Variants in NAALADL2 observed in about 807,000 individuals in gnomAD.
NAALADL2 encodes the protein N-acetylated alpha-linked acidic dipeptidase like 2.
A neutral mutation model predicts 87.2 loss-of-function variants in NAALADL2; 76 were observed. The observed-to-expected ratio is 0.87, with a 90% CI of 0.72 to 1.05. NAALADL2 has a LOEUF of 1.05. Among genes scored for constraint, NAALADL2 ranks in the 50% least tolerant of loss-of-function variants. NAALADL2 has a pLI of 0.00. For missense variants in NAALADL2, 1,089 were observed against 945.8 expected (o/e 1.15, Z -1.99); for synonymous variants, 354 against 331.0 (o/e 1.07, Z -0.75).
intron 1 of NAALADL2, among the ~76,000 whole-genome samples, chr3:174,548,191 A>T (rs1218822300): frequency 1.3e-5 from 2 of 152,220 alleles, no homozygotes; most frequent in African/African-American, 2.4e-5. Context: ...AAATTCATAC[A>T]GTCGGAGAAC....
At chr3:175,232,380 A>C (rs1057076365) in intron 2 of NAALADL2, among the ~76,000 whole-genome samples, 1 of 152,112 alleles carries the variant, frequency 6.6e-6, no homozygotes, top group Admixed American at 6.6e-5. Context: ...CTGTGGCCTC[A>C]GACTTACCTT....
At chr3:175,653,127 G>A (rs1731009366) in intron 11 of NAALADL2, among the ~76,000 whole-genome samples, 1 of 152,076 alleles carries the variant, frequency 6.6e-6, no homozygotes. Context: ...TCTCCACACT[G>A]AGTAGGCTAA....
chr3:174,520,524 CTG>C (rs1720208015), intron 1 of NAALADL2, among the ~76,000 whole-genome samples: 2 of 152,076 alleles, frequency 1.3e-5, no homozygotes, highest in Non-Finnish European at 2.9e-5. Context: ...AAAAATGAAA[CTG>C]AACCCGTATC....
intron 1 of NAALADL2, among the ~76,000 whole-genome samples, chr3:174,888,141 T>G (rs567411733): frequency 1.3e-5 from 2 of 152,256 alleles, no homozygotes; most frequent in Admixed American, 6.5e-5. Context: ...CAGAGAAAAT[T>G]GCAGCAAGAG....
At chr3:175,755,090 T>C (rs1747085580) in intron 12 of NAALADL2, 130 bp from the exon 13 acceptor site, 3 of 686,232 alleles carry the variant, frequency 4.4e-6, no homozygotes, top group Non-Finnish European at 7.1e-6. Flanking sequence ...GAGAGAGAAC[T>C]GTCAATGACA....
At chr3:175,765,727 T>C (rs1318627422) in intron 13 of NAALADL2, among the ~76,000 whole-genome samples, 1 of 152,120 alleles carries the variant, frequency 6.6e-6, no homozygotes, top group East Asian at 1.9e-4. Context: ...TGATGATGCA[T>C]TGAATAATTA....
At chr3:174,783,520 A>G (rs1035423332) in intron 3 of NAALADL2, among the ~76,000 whole-genome samples, 7 of 152,272 alleles carry the variant, frequency 4.6e-5, no homozygotes, top group African/African-American at 1.7e-4. Context: ...TACTTGATAC[A>G]ATCAAATAGT....
chr3:174,837,113 C>T (rs562027052), intron 3 of NAALADL2, among the ~76,000 whole-genome samples: 36 of 151,984 alleles, frequency 2.4e-4, no homozygotes, highest in African/African-American at 8.4e-4. Flanking sequence ...AAACCAAACC[C>T]ACACCCAGCA....
intron 4 of NAALADL2, among the ~76,000 whole-genome samples, chr3:175,309,763 T>A (rs1758142513): frequency 6.6e-6 from 1 of 152,016 alleles, no homozygotes; most frequent in Admixed American, 6.6e-5. Flanking sequence ...GAGGAAAAAA[T>A]AATTTGCATA....
intron 1 of NAALADL2, among the ~76,000 whole-genome samples, chr3:175,066,862 C>G (rs570757465): frequency 2.6e-5 from 4 of 152,114 alleles, no homozygotes; most frequent in Admixed American, 2.0e-4. Flanking sequence ...ACAGAGACAA[C>G]AGCTTTCCTG....
At chr3:175,307,052 A>G (rs546517542) in intron 4 of NAALADL2, among the ~76,000 whole-genome samples, 5 of 152,150 alleles carry the variant, frequency 3.3e-5, no homozygotes, top group African/African-American at 1.2e-4. Context: ...CCAATAGTAT[A>G]CTCTTAATTC....
chr3:175,028,529 C>T (rs1011214918), intron 1 of NAALADL2, among the ~76,000 whole-genome samples: 1 of 151,986 alleles, frequency 6.6e-6, no homozygotes. Context: ...AAGTTCTAGA[C>T]ATTTAAAATG....
chr3:174,607,635 C>T (rs1049639159), intron 2 of NAALADL2, among the ~76,000 whole-genome samples: 2 of 152,112 alleles, frequency 1.3e-5, no homozygotes, highest in African/African-American at 4.8e-5. Flanking sequence ...AATATATATG[C>T]ACCCAATACA....
At chr3:175,150,381 T>G (rs1731371929) in intron 2 of NAALADL2, among the ~76,000 whole-genome samples, 1 of 152,186 alleles carries the variant, frequency 6.6e-6, no homozygotes, top group African/African-American at 2.4e-5. Context: ...TTAGCTTTGT[T>G]TATCTCAGCT....
chr3:174,750,637 T>A (rs190289642), intron 3 of NAALADL2, among the ~76,000 whole-genome samples: 112 of 152,262 alleles, frequency 7.4e-4, no homozygotes, highest in Non-Finnish European at 1.2e-3. Context: ...TTTCACCATG[T>A]TGGCCAGGCT....
chr3:175,240,834 T>C (rs1280516301), intron 3 of NAALADL2, among the ~76,000 whole-genome samples: 1 of 152,114 alleles, frequency 6.6e-6, no homozygotes, highest in Non-Finnish European at 1.5e-5. Context: ...TTTGTATTTT[T>C]AGTGGAGACG....
In NAALADL2 at chr3:174,558,076, A is replaced by G. The variant is rs568663206; in HGVS notation, c.-115+7439A>G. The stretch of plus-strand genomic sequence containing the variant: ...GAAAAGCAAGTATTCAGCATAAACT[A>G]TATTGTTTATGCAATCAGTTTAGGC... On this transcript the variant is annotated intron_variant, in intron 2 of 3. Transcript: ENST00000434257. 2.0e-4 allele frequency among the ~76,000 whole-genome samples: 31 copies of G among 152,264 alleles called. No homozygotes were observed. In the South Asian group the frequency reaches 6.4e-3, roughly 32 times the overall value.
At chr3:175,145,354 C>T (rs1406381246) in intron 2 of NAALADL2, among the ~76,000 whole-genome samples, 1 of 152,010 alleles carries the variant, frequency 6.6e-6, no homozygotes, top group African/African-American at 2.4e-5. Flanking sequence ...TTCTATTTCC[C>T]AGTGACCTAC....
Position 175,593,970 on chromosome 3 carries a change from AT to A in NAALADL2, c.1800+17784del, listed in dbSNP as rs1560818977. Among the ~76,000 whole-genome samples, 5 of 138,888 alleles carry A rather than the reference AT, an allele frequency of 3.6e-5. No individual in the cohort carries two copies. The Admixed American group carries it at 4.0e-4, about 11-fold the overall frequency. The allele number at this position is 138,888 out of a possible 152,430, so 91.1% of individuals were successfully genotyped here. On this transcript the variant is annotated intron_variant, in intron 10 of 13. Transcript: ENST00000454872. The stretch of plus-strand genomic sequence containing the variant: ...TAGGAAATAGGTTTCTTACTTGATC[AT>A]GTTGCTATTCTTTTTTTTTTTTTAA...
Sources: allele counts gnomAD v4.1 joint callset (sites outside exome capture counted in the v4.1 genomes callset), GRCh38; gene constraint gnomAD v4.1.1; transcripts MANE v1.5; gene names NCBI Gene and HGNC (gene_info 2026-07-23, HGNC 2026-07-21).